The following RABGAP1L variants were observed in gnomAD, a reference collection of about 807,000 sequenced individuals.
The protein encoded by RABGAP1L is rab GTPase-activating protein 1-like.
Under a neutral mutation model 137.7 loss-of-function variants are expected in RABGAP1L, and 63 were observed. The observed-to-expected ratio is 0.46, with a 90% CI of 0.37 to 0.56. The LOEUF (loss-of-function observed/expected upper bound fraction) is 0.56. Among genes scored for constraint, RABGAP1L ranks in the 20% least tolerant of loss-of-function variants. The pLI is 0.00. For synonymous variants in RABGAP1L, 431 were observed against 433.7 expected (o/e 0.99, Z 0.08); for missense variants, 1,095 against 1,244.0 (o/e 0.88, Z 1.80).
chr1:174,849,417 T>G (rs1647821403), intron 19 of RABGAP1L, among the ~76,000 whole-genome samples: 1 of 152,190 alleles, frequency 6.6e-6, no homozygotes, highest in South Asian at 2.1e-4. Context: ...TAACACGCTC[T>G]TTTACTTATA....
At chr1:174,200,985 A>G (rs551994246) in intron 1 of RABGAP1L, among the ~76,000 whole-genome samples, 1 of 152,320 alleles carries the variant, frequency 6.6e-6, no homozygotes, top group Admixed American at 6.5e-5. Context: ...CTTCAGTAGC[A>G]ACCACCAGGG....
chr1:174,328,484 T>C (rs1467968207), intron 11 of RABGAP1L, among the ~76,000 whole-genome samples: 1 of 152,114 alleles, frequency 6.6e-6, no homozygotes, highest in Non-Finnish European at 1.5e-5. Flanking sequence ...TTAAAAAATT[T>C]CTTGGCCGGG....
chr1:174,544,915 C>T (rs1665864497), intron 13 of RABGAP1L: 1 of 196,418 alleles, frequency 5.1e-6, no homozygotes, highest in South Asian at 7.6e-5. Context: ...AGCTGCAGAA[C>T]AGCAAATATT....
intron 7 of RABGAP1L, among the ~76,000 whole-genome samples, chr1:174,267,468 A>G (rs970787054): frequency 1.3e-5 from 2 of 152,154 alleles, no homozygotes; most frequent in African/African-American, 4.8e-5. Context: ...CAGTGTAAAT[A>G]AGGAAAGTGG....
intron 18 of RABGAP1L, among the ~76,000 whole-genome samples, chr1:174,764,262 T>C (rs1278527037): frequency 6.6e-6 from 1 of 152,258 alleles, no homozygotes; most frequent in Non-Finnish European, 1.5e-5. Context: ...ATAATACTAC[T>C]GTGAACATTT....
chr1:174,367,606 A>G (rs1363469254), intron 11 of RABGAP1L: 3 of 269,612 alleles, frequency 1.1e-5, no homozygotes, highest in African/African-American at 4.7e-5. Flanking sequence ...CTGGTTTCCT[A>G]TGCACTTCAT....
intron 19 of RABGAP1L, among the ~76,000 whole-genome samples, chr1:174,872,250 A>G (rs1652321703): frequency 6.6e-6 from 1 of 152,082 alleles, no homozygotes; most frequent in Admixed American, 6.6e-5. Flanking sequence ...GCTGGTATTC[A>G]ACACAAGAAT....
At chr1:174,521,285 T>C (rs1663362972) in intron 13 of RABGAP1L, among the ~76,000 whole-genome samples, 1 of 152,244 alleles carries the variant, frequency 6.6e-6, no homozygotes, top group Non-Finnish European at 1.5e-5. Context: ...TTTTAAATCA[T>C]GGTAAAATCT....
chr1:174,366,800 A>G (rs1684666132), intron 11 of RABGAP1L, among the ~76,000 whole-genome samples: 1 of 119,812 alleles, frequency 8.3e-6, no homozygotes, highest in African/African-American at 3.6e-5. Flanking sequence ...AAAAAAAAAA[A>G]AAAAAAAGAA....
At chr1:174,547,235 CT>C (rs1666094288) in intron 13 of RABGAP1L, among the ~76,000 whole-genome samples, 1 of 151,958 alleles carries the variant, frequency 6.6e-6, no homozygotes, top group African/African-American at 2.4e-5. Flanking sequence ...TTATAGTAGC[CT>C]TTTCCTGCTA....
intron 19 of RABGAP1L, among the ~76,000 whole-genome samples, chr1:174,953,229 G>A (rs1426844902): frequency 6.6e-6 from 1 of 152,118 alleles, no homozygotes; most frequent in East Asian, 1.9e-4. Context: ...CAGTCTGAAA[G>A]AGTCATATAT....
intron 13 of RABGAP1L, among the ~76,000 whole-genome samples, chr1:174,540,993 T>C (rs1258379510): frequency 6.6e-6 from 1 of 152,232 alleles, no homozygotes; most frequent in Non-Finnish European, 1.5e-5. Flanking sequence ...GTAGTTCTCC[T>C]TGAAGAGGTC....
At chr1:174,526,022 A>G (rs1663843722) in intron 13 of RABGAP1L, among the ~76,000 whole-genome samples, 1 of 152,050 alleles carries the variant, frequency 6.6e-6, no homozygotes, top group Non-Finnish European at 1.5e-5. Context: ...CGTTTCCCTG[A>G]TGATTAGTGA....
At chr1:174,745,348 A>G (rs1683788601) in intron 17 of RABGAP1L, among the ~76,000 whole-genome samples, 1 of 152,232 alleles carries the variant, frequency 6.6e-6, no homozygotes, top group Admixed American at 6.5e-5. Flanking sequence ...GCATGGCATC[A>G]CTTCCACCAT....
At chr1:174,655,408 A>G (rs1389408929) in intron 14 of RABGAP1L, among the ~76,000 whole-genome samples, 1 of 152,182 alleles carries the variant, frequency 6.6e-6, no homozygotes, top group Non-Finnish European at 1.5e-5. Flanking sequence ...CAATTTGGGC[A>G]TGTCTAATGT....
chr1:174,715,536 C>A (rs1464780544), intron 17 of RABGAP1L, among the ~76,000 whole-genome samples: 2 of 152,184 alleles, frequency 1.3e-5, no homozygotes, highest in Admixed American at 1.3e-4. Flanking sequence ...GATTTACATA[C>A]CTTGTCACAC....
chr1:174,672,313 C>G (rs1333919337), intron 14 of RABGAP1L, among the ~76,000 whole-genome samples: 1 of 136,058 alleles, frequency 7.3e-6, no homozygotes, highest in Admixed American at 7.6e-5. Flanking sequence ...TGGAGTCTCC[C>G]TTTGTCACCC....
At chr1:174,184,318 G>T (rs940281532) in intron 1 of RABGAP1L, among the ~76,000 whole-genome samples, 1 of 152,168 alleles carries the variant, frequency 6.6e-6, no homozygotes, top group Non-Finnish European at 1.5e-5. Flanking sequence ...TTGGCTGCTT[G>T]CAAGGTTTGA....
At chr1:174,267,616 T>C (rs1674179862) in intron 7 of RABGAP1L, among the ~76,000 whole-genome samples, 1 of 152,182 alleles carries the variant, frequency 6.6e-6, no homozygotes, top group Admixed American at 6.5e-5. Context: ...TAGAAAGGAA[T>C]ATGACAGTTT....
Sources: gnomAD v4.1 joint callset for allele counts (sites outside exome capture counted in the v4.1 genomes callset) on GRCh38, gnomAD v4.1.1 for gene constraint, MANE v1.5 for transcripts, NCBI Gene and HGNC (gene_info 2026-07-23, HGNC 2026-07-21) for gene names.